TFDP1: variants seen among roughly 807,000 people sequenced by gnomAD.
TFDP1 encodes the protein DRTF1-polypeptide 1.
Under a neutral mutation model 48.0 loss-of-function variants are expected in TFDP1, and 6 were observed. The ratio of observed to expected loss-of-function variants is 0.13; its 90% CI spans 0.07 to 0.25. The LOEUF (loss-of-function observed/expected upper bound fraction) is 0.25. Ranked by LOEUF, TFDP1 falls within the 10% of genes least tolerant of loss-of-function variation. The pLI is 1.00. For synonymous variants in TFDP1, 201 were observed against 211.6 expected (o/e 0.95, Z 0.44); for missense variants, 335 against 543.0 (o/e 0.62, Z 3.81).
intron 2 of TFDP1, among the ~76,000 whole-genome samples, chr13:113,597,831 G>A (rs977600815): frequency 3.7e-4 from 56 of 152,212 alleles, no homozygotes; most frequent in African/African-American, 1.4e-3. Flanking sequence ...ATCCAGACAC[G>A]CTGGGGACTC....
chr13:113,592,449 G>A (rs1014403893), intron 2 of TFDP1, among the ~76,000 whole-genome samples: 10 of 152,236 alleles, frequency 6.6e-5, no homozygotes, highest in Non-Finnish European at 1.3e-4. Context: ...GAGCCACCGC[G>A]CCTGGCCATG....
intron 3 of TFDP1, among the ~76,000 whole-genome samples, chr13:113,619,484 A>G (rs1436546443): frequency 2.0e-5 from 3 of 149,822 alleles, no homozygotes; most frequent in Non-Finnish European, 4.4e-5. Flanking sequence ...AAAAAAACAA[A>G]AAAAAAAAAA....
Position 113,591,350 on chromosome 13 carries a change from A to G in TFDP1, c.12+5501A>G, listed in dbSNP as rs1365201037. Reference sequence around the variant, plus strand: ...GAGCAAGACTTCATCTCAAAAAAAAAAAAAAAGAAAAAAGTTTTGCCCCTA... The same window carrying G: ...GAGCAAGACTTCATCTCAAAAAAAAGAAAAAAGAAAAAAGTTTTGCCCCTA... On this transcript the variant is annotated intron_variant, in intron 2 of 11. Transcript: ENST00000375370. Among the ~76,000 whole-genome samples, 5 of 152,224 alleles carry G rather than the reference A, an allele frequency of 3.3e-5. No individual in the cohort carries two copies. In the East Asian group the frequency reaches 5.8e-4, roughly 18 times the overall value.
intron 2 of TFDP1, among the ~76,000 whole-genome samples, chr13:113,600,956 G>A (rs115820809): frequency 1.2e-3 from 190 of 152,232 alleles, no homozygotes; most frequent in African/African-American, 4.3e-3. Flanking sequence ...AGCCTTGCAC[G>A]TAGGGCTCCA....
Position 113,637,626 on chromosome 13 carries a change from C to T in TFDP1, c.1007-192C>T, listed in dbSNP as rs374848470. 13 of 1,534,442 alleles carry T rather than the reference C, an allele frequency of 8.5e-6. No individual in the cohort carries two copies. In the East Asian group the frequency reaches 1.2e-4, roughly 14 times the overall value. ...GCTGTTCTTGCCTTTTTAGAGAAGA[C>T]AGGCTTATGTGACTGCACAGCGGGA... On this transcript the variant is annotated intron_variant, in intron 10 of 11. Transcript: ENST00000375370.
intron 3 of TFDP1, among the ~76,000 whole-genome samples, chr13:113,616,427 G>A (rs961265406): frequency 1.2e-4 from 19 of 152,104 alleles, no homozygotes; most frequent in African/African-American, 4.6e-4. Context: ...TAAATCCGTG[G>A]AGAGCGCTCA....
chr13:113,638,487 A>G (rs2049558347), intron 11 of TFDP1, among the ~76,000 whole-genome samples: 1 of 149,730 alleles, frequency 6.7e-6, no homozygotes. Flanking sequence ...CAGTGCATGT[A>G]TTTTTGCGAA....
chr13:113,630,915 C>A (rs1004417282), intron 4 of TFDP1, among the ~76,000 whole-genome samples: 31 of 152,198 alleles, frequency 2.0e-4, no homozygotes, highest in Non-Finnish European at 3.7e-4. Flanking sequence ...TGGTTCCCCC[C>A]AGAGGGGCCC....
intron 2 of TFDP1, among the ~76,000 whole-genome samples, chr13:113,589,533 T>G (rs1053974839): frequency 1.3e-5 from 2 of 152,190 alleles, no homozygotes; most frequent in Admixed American, 1.3e-4. Context: ...TACAGACTCT[T>G]TGAGTTTCTG....
At chr13:113,605,742 C>G (rs1030751505) in intron 2 of TFDP1, among the ~76,000 whole-genome samples, 1 of 152,212 alleles carries the variant, frequency 6.6e-6, no homozygotes, top group African/African-American at 2.4e-5. Flanking sequence ...CAGAAGTTGC[C>G]CCTTATTTCC....
chr13:113,624,468 C>A (rs2049071869), intron 4 of TFDP1, among the ~76,000 whole-genome samples: 1 of 150,170 alleles, frequency 6.7e-6, no homozygotes, highest in Non-Finnish European at 1.5e-5. Context: ...CCCCACGTGT[C>A]TCTCAGGGTG....
intron 2 of TFDP1, among the ~76,000 whole-genome samples, chr13:113,590,321 T>A (rs1455996213): frequency 6.6e-6 from 1 of 152,174 alleles, no homozygotes; most frequent in African/African-American, 2.4e-5. Flanking sequence ...TGGAGGCGTT[T>A]GAGTGATGCT....
intron 2 of TFDP1, among the ~76,000 whole-genome samples, chr13:113,609,222 C>T (rs2048646213): frequency 6.6e-6 from 1 of 152,340 alleles, no homozygotes; most frequent in Non-Finnish European, 1.5e-5. Context: ...CTGTGGGCCC[C>T]TGGGGGTGGT....
At chr13:113,637,608 T>G in intron 10 of TFDP1, 1 of 1,530,468 alleles carries the variant, frequency 6.5e-7, no homozygotes, top group Non-Finnish European at 8.7e-7. Context: ...AAGGCTGTTC[T>G]TGCCTTTTTA....
intron 2 of TFDP1, among the ~76,000 whole-genome samples, chr13:113,601,733 A>C (rs1224827676): frequency 6.6e-6 from 1 of 152,180 alleles, no homozygotes; most frequent in Non-Finnish European, 1.5e-5. Context: ...GGTGCTGGCT[A>C]TTTGTGGTGG....
intron 1 of TFDP1, chr13:113,585,568 A>T: frequency 2.8e-6 from 1 of 355,324 alleles, no homozygotes; most frequent in South Asian, 4.6e-5. Flanking sequence ...CCCGCGGGCC[A>T]CTTTTCCGCA....
chr13:113,613,162 G>A (rs1261114518), intron 3 of TFDP1, among the ~76,000 whole-genome samples: 4 of 152,136 alleles, frequency 2.6e-5, no homozygotes, highest in Non-Finnish European at 5.9e-5. Context: ...GATTAGAGGT[G>A]CCCACCACCA....
At chr13:113,600,464 A>T (rs9577583) in intron 2 of TFDP1, among the ~76,000 whole-genome samples, 561 of 46,120 alleles carry the variant, frequency 0.012, 8 homozygotes, top group African/African-American at 0.099. Flanking sequence ...CCAGGACTGC[A>T]AGAGAGAACC....
At chr13:113,599,156 C>T (rs1419935149) in intron 2 of TFDP1, among the ~76,000 whole-genome samples, 2 of 151,556 alleles carry the variant, frequency 1.3e-5, no homozygotes, top group African/African-American at 4.8e-5. Context: ...TTTTACTCAA[C>T]AGTTTGTCCT....
Sources: allele counts gnomAD v4.1 joint callset (sites outside exome capture counted in the v4.1 genomes callset), GRCh38; gene constraint gnomAD v4.1.1; transcripts MANE v1.5; gene names NCBI Gene and HGNC (gene_info 2026-07-23, HGNC 2026-07-21).